KANK1: variants seen among roughly 807,000 people sequenced by gnomAD.
KANK1 encodes KN motif and ankyrin repeat domains 1, also known as KN motif and ankyrin repeat domain-containing protein 1.
A neutral mutation model predicts 106.2 loss-of-function variants in KANK1; 109 were observed. That is an observed-to-expected ratio of 1.03 (90% confidence interval 0.88 to 1.20). The LOEUF (loss-of-function observed/expected upper bound fraction) is 1.20, where lower values mean the gene tolerates loss of function less well. Among genes scored for constraint, KANK1 ranks in the 50% most tolerant of loss-of-function variants. The probability of loss-of-function intolerance (pLI) is 0.00; values close to 1 mark genes in which losing one functional copy is unlikely to be tolerated. For missense variants in KANK1, 2,399 were observed against 1,710.7 expected, an observed-to-expected ratio of 1.40 and a Z score of -7.10; for synonymous variants, 873 against 652.2, an observed-to-expected ratio of 1.34 and a Z score of -5.16.
intron 1 of KANK1, among the ~76,000 whole-genome samples, chr9:531,610 C>G (rs1235143169): frequency 6.6e-6 from 1 of 152,182 alleles, no homozygotes; most frequent in Non-Finnish European, 1.5e-5. Flanking sequence ...AGATGCAACT[C>G]TTGGTCCAGT....
intron 1 of KANK1, among the ~76,000 whole-genome samples, chr9:634,991 G>A (rs549602399): frequency 6.6e-6 from 1 of 152,230 alleles, no homozygotes; most frequent in East Asian, 1.9e-4. Context: ...GTAGGAGTAA[G>A]GAAACATTTC....
At chr9:721,368 G>A (rs943754654) in intron 3 of KANK1, among the ~76,000 whole-genome samples, 10 of 152,122 alleles carry the variant, frequency 6.6e-5, no homozygotes, top group Non-Finnish European at 1.3e-4. Context: ...TTTGTAAAAG[G>A]TCTAATTTGA....
intron 1 of KANK1, among the ~76,000 whole-genome samples, chr9:631,567 C>G (rs1408098925): frequency 6.6e-6 from 1 of 152,122 alleles, no homozygotes. Flanking sequence ...CTCCTCTAGG[C>G]AAGGCAAGTC....
At chr9:543,862 C>G (rs551795280) in intron 1 of KANK1, among the ~76,000 whole-genome samples, 5 of 152,234 alleles carry the variant, frequency 3.3e-5, no homozygotes, top group African/African-American at 9.6e-5. Flanking sequence ...AATCTGAATC[C>G]AAATCCAGGG....
At chr9:497,714 G>A (rs966157772) in intron 3 of KANK1, among the ~76,000 whole-genome samples, 8 of 152,044 alleles carry the variant, frequency 5.3e-5, no homozygotes, top group Non-Finnish European at 7.4e-5. Context: ...TTAGCCAGGC[G>A]TGGTGGCGTG....
At chr9:592,200 C>T (rs763540104) in intron 1 of KANK1, among the ~76,000 whole-genome samples, 3 of 151,766 alleles carry the variant, frequency 2.0e-5, no homozygotes, top group African/African-American at 7.3e-5. Flanking sequence ...AATTCTCTTA[C>T]CTGGAGCCTG....
chr9:606,304 C>T (rs1829143661), intron 1 of KANK1, among the ~76,000 whole-genome samples: 1 of 138,526 alleles, frequency 7.2e-6, no homozygotes, highest in African/African-American at 3.5e-5. Context: ...CACCTGAAAT[C>T]CCAGCACTTT....
At position 602,187 on chromosome 9, in the gene KANK1, T is replaced by G. The variant is rs1023614771; in HGVS notation, c.-83-74703T>G. ...ATAGGATAGCATTAGCATCCAGACA[T>G]TTTTGACATTCCTTCAATAACTATT... is the stretch of plus-strand genomic sequence containing the variant. On this transcript the variant is annotated intron_variant, in intron 1 of 11. Coordinates refer to ENST00000382297, the MANE Select transcript of KANK1 (RefSeq NM_015158.5). Among the ~76,000 whole-genome samples the G allele has an allele frequency of 7.2e-5, 11 of 151,968 alleles. 1 individual carries two copies. The highest frequency in any genetic ancestry group is 3.2e-3 in the Middle Eastern group (1 of 316).
At chr9:479,098 C>T (rs1382648679) in intron 3 of KANK1, among the ~76,000 whole-genome samples, 1 of 152,090 alleles carries the variant, frequency 6.6e-6, no homozygotes, top group African/African-American at 2.4e-5. Flanking sequence ...TTTCACTTGT[C>T]TTGCATAGGC....
upstream of KANK1, among the ~76,000 whole-genome samples, chr9:502,292 A>G (rs114636226): frequency 0.025 from 3,756 of 152,272 alleles, 158 homozygotes; most frequent in South Asian, 0.11. Context: ...TATATTCAAA[A>G]CCACTGAATT....
At chr9:511,606 G>A (rs777940004) in intron 1 of KANK1, among the ~76,000 whole-genome samples, 1 of 152,306 alleles carries the variant, frequency 6.6e-6, no homozygotes, top group South Asian at 2.1e-4. Context: ...ACTTAGAAGG[G>A]TGGTTGGTAT....
intron 1 of KANK1, among the ~76,000 whole-genome samples, chr9:598,346 C>G (rs1164749523): frequency 6.6e-6 from 1 of 151,394 alleles, no homozygotes; most frequent in Non-Finnish European, 1.5e-5. Context: ...CTATTTGGAT[C>G]CCTTTCAGCT....
At chr9:698,360 C>G (rs1401248222) in intron 2 of KANK1, among the ~76,000 whole-genome samples, 1 of 152,172 alleles carries the variant, frequency 6.6e-6, no homozygotes, top group Non-Finnish European at 1.5e-5. Flanking sequence ...CTGTTTCTTC[C>G]TGCCCTCACT....
intron 1 of KANK1, among the ~76,000 whole-genome samples, chr9:580,772 A>T (rs939430264): frequency 6.6e-6 from 1 of 152,122 alleles, no homozygotes; most frequent in African/African-American, 2.4e-5. Context: ...GTGCGCCCGC[A>T]CTCCTGAGCC....
chr9:548,459 C>T (rs1176538515), intron 1 of KANK1, among the ~76,000 whole-genome samples: 1 of 152,114 alleles, frequency 6.6e-6, no homozygotes, highest in East Asian at 1.9e-4. Flanking sequence ...CGTACAGATG[C>T]CCTCACATGC....
chr9:613,714 T>A (rs1831119543), intron 1 of KANK1, among the ~76,000 whole-genome samples: 1 of 152,162 alleles, frequency 6.6e-6, no homozygotes, highest in African/African-American at 2.4e-5. Flanking sequence ...GTATTTCAAA[T>A]GAGATTAAAA....
At chr9:729,322 C>G (rs1173732776) in intron 3 of KANK1, among the ~76,000 whole-genome samples, 1 of 152,124 alleles carries the variant, frequency 6.6e-6, no homozygotes, top group Non-Finnish European at 1.5e-5. Context: ...GGAGAAGGTA[C>G]AAAAGATGGG....
intron 10 of KANK1, among the ~76,000 whole-genome samples, chr9:744,119 G>T (rs1260115334): frequency 6.6e-6 from 1 of 152,154 alleles, no homozygotes; most frequent in African/African-American, 2.4e-5. Context: ...AAGAGGAAAG[G>T]TAAAAGATCT....
intron 3 of KANK1, among the ~76,000 whole-genome samples, chr9:718,953 CTTTTTTTTTTTTT>C (rs35097931): frequency 1.3e-5 from 1 of 78,280 alleles, no homozygotes; most frequent in Non-Finnish European, 2.3e-5. Flanking sequence ...TGCTCGAGCC[CTTTTTTTTTTTTT>C]TTTTTTTTTT....
Sources: allele counts gnomAD v4.1 joint callset (sites outside exome capture counted in the v4.1 genomes callset), GRCh38; gene constraint gnomAD v4.1.1; transcripts MANE v1.5; gene names NCBI Gene and HGNC (gene_info 2026-07-23, HGNC 2026-07-21).